Variants in CLSTN2 observed in about 807,000 individuals in gnomAD.
The protein encoded by CLSTN2 is calsyntenin-2.
CLSTN2 carries 48 observed loss-of-function variants against 101.2 expected under a neutral mutation model. The observed-to-expected ratio is 0.47, with a 90% CI of 0.38 to 0.60. The LOEUF (loss-of-function observed/expected upper bound fraction) is 0.60. CLSTN2 is among the 20% of genes least tolerant of loss of function. The pLI, the probability that CLSTN2 is intolerant of heterozygous loss-of-function variation, is 0.00. For synonymous variants in CLSTN2, 481 were observed against 463.6 expected (o/e 1.04, Z -0.48); for missense variants, 1,160 against 1,238.2 (o/e 0.94, Z 0.95).
chr3:140,183,760 T>C (rs1002070056), intron 2 of CLSTN2, among the ~76,000 whole-genome samples: 5 of 152,210 alleles, frequency 3.3e-5, no homozygotes, highest in African/African-American at 1.2e-4. Flanking sequence ...CTAATGTTTA[T>C]ACATACCAGG....
intron 1 of CLSTN2, among the ~76,000 whole-genome samples, chr3:140,023,144 C>A (rs1476914885): frequency 6.6e-6 from 1 of 152,126 alleles, no homozygotes; most frequent in Non-Finnish European, 1.5e-5. Context: ...TCACTGATCT[C>A]ACCCCCAGGG....
intron 5 of CLSTN2, among the ~76,000 whole-genome samples, chr3:140,445,635 T>C (rs1338721243): frequency 6.6e-6 from 1 of 152,066 alleles, no homozygotes; most frequent in African/African-American, 2.4e-5. Context: ...AAGGGATAGA[T>C]GGTCCAGCAG....
In CLSTN2 at chr3:140,333,246, A is replaced by G. The variant is rs116329690; in HGVS notation, c.233-70383A>G. Among the ~76,000 whole-genome samples, 1,153 of 152,274 alleles carry G rather than the reference A, an allele frequency of 7.6e-3. 15 individuals are homozygous for G. Among genetic ancestry groups the G allele is most frequent in the African/African-American group, 0.026 (1,066 of 41,542 alleles). On this transcript the variant is annotated intron_variant, in intron 2 of 16. Coordinates refer to ENST00000458420, the MANE Select transcript of CLSTN2 (RefSeq NM_022131.3). ...TCTCTCTGCAGATTAATCCACTTCC[A>G]TGCTACCACCAGTGAGGACTTAACT...
chr3:140,543,621 CTCTCCTGCCACTGCCCT>C (rs1258075214), intron 9 of CLSTN2, among the ~76,000 whole-genome samples: 1 of 152,212 alleles, frequency 6.6e-6, no homozygotes, highest in Admixed American at 6.5e-5. Context: ...CCTGCTGGGG[CTCTCCTGCCACTGCCCT>C]TCTCCATGCA....
chr3:140,562,106 T>C, intron 12 of CLSTN2, 32 bp from the exon 13 acceptor site: 1 of 1,605,764 alleles, frequency 6.2e-7, no homozygotes, highest in Non-Finnish European at 8.5e-7. Context: ...CTGTCCTTCA[T>C]GCCTGCATTT....
chr3:140,407,180 A>AT (rs1177680517), intron 4 of CLSTN2, among the ~76,000 whole-genome samples: 4 of 152,244 alleles, frequency 2.6e-5, no homozygotes, highest in African/African-American at 9.6e-5. Context: ...GCCCTTATCC[A>AT]TCAGTTTCTC....
At chr3:139,965,446 T>A (rs898410369) in intron 1 of CLSTN2, among the ~76,000 whole-genome samples, 1 of 152,148 alleles carries the variant, frequency 6.6e-6, no homozygotes. Flanking sequence ...GTGGGAGTGG[T>A]ATTCTCCACT....
intron 4 of CLSTN2, among the ~76,000 whole-genome samples, chr3:140,418,106 C>T (rs1433056749): frequency 6.6e-6 from 1 of 152,026 alleles, no homozygotes. Context: ...CTTTTGAGGG[C>T]CATTTAATTT....
intron 2 of CLSTN2, among the ~76,000 whole-genome samples, chr3:140,245,567 T>A (rs2086508870): frequency 6.6e-6 from 1 of 152,200 alleles, no homozygotes; most frequent in Non-Finnish European, 1.5e-5. Context: ...CTGAATTCAC[T>A]GTGGTGACAA....
chr3:140,429,563 T>C (rs1264782285), intron 5 of CLSTN2, among the ~76,000 whole-genome samples: 1 of 152,108 alleles, frequency 6.6e-6, no homozygotes, highest in Non-Finnish European at 1.5e-5. Flanking sequence ...GAGGGCCTCC[T>C]CATATATCAT....
At chr3:139,988,920 G>A (rs548864388) in intron 1 of CLSTN2, among the ~76,000 whole-genome samples, 78 of 152,240 alleles carry the variant, frequency 5.1e-4, no homozygotes, top group African/African-American at 1.7e-3. Flanking sequence ...CCAGTAAGCC[G>A]AAGGACAGAG....
intron 2 of CLSTN2, among the ~76,000 whole-genome samples, chr3:140,339,226 A>T (rs1197086339): frequency 6.6e-6 from 1 of 152,076 alleles, no homozygotes; most frequent in Non-Finnish European, 1.5e-5. Flanking sequence ...CATTTGGACT[A>T]TTTGTGCTTT....
At chr3:140,565,940 G>T in intron 16 of CLSTN2, 113 bp from the exon 17 acceptor site, 1 of 1,332,828 alleles carries the variant, frequency 7.5e-7, no homozygotes, top group Non-Finnish European at 1.0e-6. Context: ...TGCACTAAAA[G>T]AAGAAATTCC....
chr3:140,169,175 A>G (rs752495863), intron 1 of CLSTN2, among the ~76,000 whole-genome samples: 2 of 152,088 alleles, frequency 1.3e-5, no homozygotes, highest in Non-Finnish European at 2.9e-5. Context: ...TTCTTTCAGC[A>G]GTGTCAGGGT....
At chr3:140,228,123 G>T (rs1045553014) in intron 2 of CLSTN2, among the ~76,000 whole-genome samples, 19 of 152,118 alleles carry the variant, frequency 1.2e-4, no homozygotes, top group African/African-American at 4.6e-4. Context: ...CTATCTCATT[G>T]TCAGGCTGCA....
At chr3:140,532,709 A>G (rs749419175) in intron 9 of CLSTN2, among the ~76,000 whole-genome samples, 7 of 152,244 alleles carry the variant, frequency 4.6e-5, no homozygotes, top group Non-Finnish European at 1.0e-4. Context: ...GATCGACATG[A>G]GCAGTTTCAT....
intron 2 of CLSTN2, among the ~76,000 whole-genome samples, chr3:140,366,298 TCAGAGTATGGGCAGCAG>T (rs1388653554): frequency 6.6e-6 from 1 of 152,186 alleles, no homozygotes; most frequent in Non-Finnish European, 1.5e-5. Context: ...AAGGTGACAC[TCAGAGTATGGGCAGCAG>T]CCCCAGCCTA....
intron 2 of CLSTN2, among the ~76,000 whole-genome samples, chr3:140,358,013 G>A (rs914218338): frequency 6.6e-6 from 1 of 152,138 alleles, no homozygotes; most frequent in Non-Finnish European, 1.5e-5. Flanking sequence ...ACTGAGGGAG[G>A]CTACTCATGT....
At position 139,956,998 on chromosome 3, in the gene CLSTN2, G is replaced by A. The variant is rs150857320; in HGVS notation, c.109+21515G>A. Among the ~76,000 whole-genome samples, 5 of 152,278 alleles carry A rather than the reference G, an allele frequency of 3.3e-5. No homozygotes were observed. The East Asian group carries it at 9.6e-4, about 29-fold the overall frequency. Reference sequence around the variant, plus strand: ...TGCAATGAGCGTTGCCAATTTGAAAGACAGGTTTTTTGCCCTCAGACAATT... The same window carrying A: ...TGCAATGAGCGTTGCCAATTTGAAAAACAGGTTTTTTGCCCTCAGACAATT... On this transcript the variant is annotated intron_variant, in intron 1 of 16. Transcript: ENST00000458420.
Sources: gnomAD v4.1 joint callset for allele counts (sites outside exome capture counted in the v4.1 genomes callset) on GRCh38, gnomAD v4.1.1 for gene constraint, MANE v1.5 for transcripts, NCBI Gene and HGNC (gene_info 2026-07-23, HGNC 2026-07-21) for gene names.